The following NPAS3 variants were observed in gnomAD, a reference collection of about 807,000 sequenced individuals.
NPAS3 encodes neuronal PAS domain protein 3, also known as neuronal PAS domain-containing protein 3.
Under a neutral mutation model 73.1 loss-of-function variants are expected in NPAS3, and 14 were observed. That is an observed-to-expected ratio of 0.19 (90% confidence interval 0.13 to 0.30). NPAS3 has a LOEUF of 0.30. NPAS3 is among the 10% of genes least tolerant of loss of function. The probability of loss-of-function intolerance (pLI) is 1.00; values close to 1 mark genes in which losing one functional copy is unlikely to be tolerated. For missense variants in NPAS3, 1,096 were observed against 1,250.0 expected (o/e 0.88, Z 1.86); for synonymous variants, 620 against 541.5 (o/e 1.14, Z -2.01).
At chr14:33,018,626 T>G (rs1228694670) in intron 1 of NPAS3, among the ~76,000 whole-genome samples, 1 of 146,966 alleles carries the variant, frequency 6.8e-6, no homozygotes, top group Non-Finnish European at 1.5e-5. Context: ...TTACTTGAAT[T>G]TTTTAGAACA....
intron 9 of NPAS3, among the ~76,000 whole-genome samples, chr14:33,793,350 A>T (rs1204130707): frequency 6.6e-6 from 1 of 152,198 alleles, no homozygotes; most frequent in Non-Finnish European, 1.5e-5. Context: ...TGACCAGTGT[A>T]AATTTAGTTC....
intron 3 of NPAS3, among the ~76,000 whole-genome samples, chr14:33,286,522 A>C (rs1209150717): frequency 6.6e-6 from 1 of 152,124 alleles, no homozygotes; most frequent in Non-Finnish European, 1.5e-5. Context: ...GTTTCTAAAT[A>C]CTTGTGCTTA....
intron 4 of NPAS3, among the ~76,000 whole-genome samples, chr14:33,380,152 G>A (rs1260642959): frequency 6.6e-6 from 1 of 152,024 alleles, no homozygotes; most frequent in Non-Finnish European, 1.5e-5. Context: ...TCTGACTCTT[G>A]TCTCTTGAAA....
At chr14:33,460,540 C>G (rs376965728) in intron 4 of NPAS3, among the ~76,000 whole-genome samples, 47 of 152,214 alleles carry the variant, frequency 3.1e-4, no homozygotes, top group African/African-American at 9.6e-4. Context: ...ATGTATCAAC[C>G]CTTTCTGAAT....
At chr14:33,620,166 T>C (rs1261278497) in intron 5 of NPAS3, among the ~76,000 whole-genome samples, 1 of 152,196 alleles carries the variant, frequency 6.6e-6, no homozygotes, top group African/African-American at 2.4e-5. Flanking sequence ...GTTGAAAGTT[T>C]ATGCGCACCG....
intron 4 of NPAS3, among the ~76,000 whole-genome samples, chr14:33,393,986 T>C (rs1235003608): frequency 1.3e-5 from 2 of 152,198 alleles, no homozygotes; most frequent in Non-Finnish European, 2.9e-5. Flanking sequence ...CAGAGAGTTT[T>C]GGAACTCTCG....
At chr14:33,493,131 C>T (rs1359670546) in intron 4 of NPAS3, among the ~76,000 whole-genome samples, 2 of 152,128 alleles carry the variant, frequency 1.3e-5, no homozygotes, top group Non-Finnish European at 2.9e-5. Context: ...ATTTGACAAG[C>T]CAGTTTATAC....
At chr14:33,099,057 G>A (rs964161898) in intron 2 of NPAS3, among the ~76,000 whole-genome samples, 1 of 152,096 alleles carries the variant, frequency 6.6e-6, no homozygotes, top group Non-Finnish European at 1.5e-5. Flanking sequence ...GTCACACAAA[G>A]CCCTGGCAGG....
intron 3 of NPAS3, among the ~76,000 whole-genome samples, chr14:33,308,510 T>TTATATATATATATATA (rs67518761): frequency 7.2e-5 from 6 of 83,530 alleles, no homozygotes; most frequent in Admixed American, 2.9e-4. Flanking sequence ...ATTGCATAGT[T>TTATATATATATATATA]TATATATATA....
intron 4 of NPAS3, among the ~76,000 whole-genome samples, chr14:33,394,260 C>G (rs1243799828): frequency 6.6e-6 from 1 of 152,098 alleles, no homozygotes; most frequent in South Asian, 2.1e-4. Flanking sequence ...TAAATTCTGG[C>G]TGCTGTGAAC....
chr14:33,679,637 A>G (rs1268832796), intron 6 of NPAS3, among the ~76,000 whole-genome samples: 1 of 152,194 alleles, frequency 6.6e-6, no homozygotes, highest in African/African-American at 2.4e-5. Flanking sequence ...TAGGTATGGA[A>G]TTTTTCAGAA....
chr14:33,592,244 A>G (rs2139949745), intron 5 of NPAS3, among the ~76,000 whole-genome samples: 1 of 152,322 alleles, frequency 6.6e-6, no homozygotes, highest in South Asian at 2.1e-4. Context: ...TCCCTAAAAC[A>G]AAGGTAGCTG....
chr14:33,340,029 G>A (rs2044398916), intron 3 of NPAS3, among the ~76,000 whole-genome samples: 1 of 152,112 alleles, frequency 6.6e-6, no homozygotes, highest in African/African-American at 2.4e-5. Context: ...GACTGGTTTG[G>A]TTTTGGCATT....
At chr14:33,561,119 TC>T (rs1239938062) in intron 5 of NPAS3, among the ~76,000 whole-genome samples, 1 of 152,214 alleles carries the variant, frequency 6.6e-6, no homozygotes, top group African/African-American at 2.4e-5. Context: ...AGTTGGATAA[TC>T]TACCGCTCGT....
chr14:33,159,639 C>T (rs1216781338), intron 2 of NPAS3, among the ~76,000 whole-genome samples: 3 of 150,798 alleles, frequency 2.0e-5, no homozygotes, highest in East Asian at 1.9e-4. Flanking sequence ...CCGCAAACTC[C>T]GCCTCCCGGA....
intron 7 of NPAS3, among the ~76,000 whole-genome samples, chr14:33,764,600 A>G (rs545636929): frequency 6.6e-6 from 1 of 152,226 alleles, no homozygotes; most frequent in East Asian, 1.9e-4. Flanking sequence ...GTCTTTTTTT[A>G]TATAACGTTG....
intron 1 of NPAS3, among the ~76,000 whole-genome samples, chr14:33,049,404 G>A (rs992509290): frequency 7.9e-5 from 12 of 152,186 alleles, no homozygotes; most frequent in African/African-American, 2.2e-4. Context: ...AAGGAAGGAG[G>A]TTTAATGGAG....
intron 8 of NPAS3, among the ~76,000 whole-genome samples, chr14:33,774,735 A>C (rs1364915880): frequency 6.6e-6 from 1 of 152,208 alleles, no homozygotes; most frequent in Non-Finnish European, 1.5e-5. Context: ...GACAACAATT[A>C]AATGAATCGG....
At chr14:33,785,221 G>C (rs1192060803) in intron 9 of NPAS3, among the ~76,000 whole-genome samples, 1 of 151,568 alleles carries the variant, frequency 6.6e-6, no homozygotes, top group Non-Finnish European at 1.5e-5. Context: ...GGATCACAAG[G>C]TCAGGAGTTC....
Sources: allele counts gnomAD v4.1 joint callset (sites outside exome capture counted in the v4.1 genomes callset), GRCh38; gene constraint gnomAD v4.1.1; transcripts MANE v1.5; gene names NCBI Gene and HGNC (gene_info 2026-07-23, HGNC 2026-07-21).